The following C11orf16 variants were observed in gnomAD, a reference collection of about 807,000 sequenced individuals.
C11orf16 encodes chromosome 11 open reading frame 16.
A neutral mutation model predicts 45.1 loss-of-function variants in C11orf16; 38 were observed. The ratio of observed to expected loss-of-function variants is 0.84; its 90% CI spans 0.65 to 1.10. The LOEUF (loss-of-function observed/expected upper bound fraction) is 1.10. C11orf16 is among the 50% of genes least tolerant of loss of function. The probability of loss-of-function intolerance (pLI) is 0.00; values close to 1 mark genes in which losing one functional copy is unlikely to be tolerated. For missense variants in C11orf16, 583 were observed against 569.5 expected, an observed-to-expected ratio of 1.02 and a Z score of -0.24; for synonymous variants, 221 against 222.0, an observed-to-expected ratio of 1.00 and a Z score of 0.04.
intron 4 of C11orf16, 132 bp from the exon 5 acceptor site, chr11:8,926,239 C>CA: frequency 1.2e-6 from 1 of 861,404 alleles, no homozygotes; most frequent in Non-Finnish European, 1.7e-6. Context: ...AGTGCAGTGG[C>CA]ACAGTGATAG....
rs1216898977 is a variant in C11orf16, at chr11:8,925,592, GTC to G, written c.1073_1074del (p.Arg358ThrfsTer15). ...GTGTTGACTGCACTGTTCACCATCA[GTC>G]TCTGGGGAGGGCCCATCTCCAGATC... ...ENDLEMGPPQ[R>X]LMVNSAVNTD... On this transcript the variant is annotated frameshift_variant, in exon 5 of 7. Transcript: ENST00000326053. LOFTEE classifies it high-confidence loss of function. The G allele has an allele frequency of 5.6e-6, 9 of 1,614,274 alleles. 1 individual carries two copies. The Admixed American group carries it at 1.2e-4, about 21-fold the overall frequency.
intron 6 of C11orf16, 80 bp from the exon 7 acceptor site, chr11:8,920,530 C>T: frequency 3.3e-6 from 2 of 610,522 alleles, no homozygotes; most frequent in Non-Finnish European, 5.8e-6. Flanking sequence ...TTTAAAAAGT[C>T]ATTGATTGTG....
intron 3 of C11orf16, among the ~76,000 whole-genome samples, chr11:8,927,918 TG>T (rs1246888075): frequency 2.8e-4 from 43 of 152,206 alleles, no homozygotes; most frequent in Admixed American, 2.8e-3. Flanking sequence ...GACTTTTTTT[TG>T]TTTTTTCCAG....
chr11:8,924,529 AAACAAC>A (rs372748329), intron 5 of C11orf16, among the ~76,000 whole-genome samples: 13 of 151,368 alleles, frequency 8.6e-5, no homozygotes, highest in East Asian at 3.9e-4. Flanking sequence ...CTTTGTCTCA[AAACAAC>A]AACAACAACA....
At position 8,925,582 on chromosome 11, in the gene C11orf16, T is replaced by C; in HGVS notation, c.1085A>G (p.Asn362Ser). 1 of 1,614,244 alleles carries C rather than the reference T, an allele frequency of 6.2e-7. No individual in the cohort carries two copies. Residue 362 changes from asparagine (N) to serine (S), a missense_variant, in exon 5 of 7, where the codon AAC becomes AGC. Physicochemically the swap from Asn to Ser is conservative, Grantham distance 46. Coordinates refer to ENST00000326053, the MANE Select transcript of C11orf16 (RefSeq NM_020643.3). ...EMGPPQRLMV[N>S]SAVNTDPIFL... Reference sequence around the variant, plus strand: ...GATGGGATCTGTGTTGACTGCACTGTTCACCATCAGTCTCTGGGGAGGGCC... The same window carrying C: ...GATGGGATCTGTGTTGACTGCACTGCTCACCATCAGTCTCTGGGGAGGGCC...
chr11:8,923,402 T>C (rs936209519), intron 5 of C11orf16, among the ~76,000 whole-genome samples: 6 of 152,100 alleles, frequency 3.9e-5, no homozygotes, highest in African/African-American at 1.4e-4. Flanking sequence ...CTCTGTTGGG[T>C]AGGTACAGCT....
At chr11:8,930,857 C>T (rs1037168367) in intron 2 of C11orf16, among the ~76,000 whole-genome samples, 5 of 152,280 alleles carry the variant, frequency 3.3e-5, no homozygotes, top group African/African-American at 1.2e-4. Context: ...CCCCCCTCAG[C>T]CTCCTTCCTG....
chr11:8,920,550 G>A (rs745489453), intron 6 of C11orf16, 100 bp from the exon 7 acceptor site: 34 of 587,508 alleles, frequency 5.8e-5, no homozygotes, highest in Non-Finnish European at 8.1e-5. Context: ...GGCCGAGTGC[G>A]GTGGCTCATA....
rs369579663 is a variant in C11orf16 at position 8,932,218 on chromosome 11, G to A, written c.91C>T (p.Pro31Ser). 45 of 1,603,696 alleles carry A rather than the reference G, an allele frequency of 2.8e-5. No homozygotes were observed. In the African/African-American group the frequency reaches 3.7e-4, roughly 13 times the overall value. ...LKAPGWDGAA[P>S]PWDLSFTYPF... Reference sequence around the variant, plus strand: ...TAGGTGAAGGAGAGGTCCCAAGGTGGAGCAGCACCGTCCCAGCCAGGGGCC... The same window carrying A: ...TAGGTGAAGGAGAGGTCCCAAGGTGAAGCAGCACCGTCCCAGCCAGGGGCC... The change falls in exon 2 of 7, where the codon CCA becomes TCA. Residue 31 changes from proline to serine, a missense_variant. By Grantham distance (74) the Pro-to-Ser change is moderately conservative (BLOSUM62 -1). Transcript: ENST00000326053.
rs1027596345 is a variant in C11orf16, at chr11:8,920,107, A to ACAAAATGT, written c.*358_*365dup. The ACAAAATGT allele has an allele frequency of 8.4e-5, 24 of 286,480 alleles. No homozygotes were observed. The highest frequency in any genetic ancestry group is 5.7e-4 in the Admixed American group (11 of 19,380). 17.7% of individuals were successfully genotyped at this position (286,480 alleles called of 1,614,324 possible). A position where few individuals can be genotyped will look rare whatever the true frequency, so the allele number is the denominator to read the frequency against. ...GAATTCATTTTTATTAAGAGGTGAA[A>ACAAAATGT]CAAAATGTCACTCATGTACAACTAG... On this transcript the variant is annotated 3_prime_UTR_variant, in exon 7 of 7. Transcript: ENST00000326053.
In C11orf16 at chr11:8,925,561, G is replaced by A; in HGVS notation, c.1106C>T (p.Pro369Leu). The change falls in exon 5 of 7, where the codon CCC becomes CTC. Residue 369 changes from proline (P) to leucine (L), a missense_variant. Pro to Leu is a moderately conservative substitution (Grantham distance 98). Transcript: ENST00000326053. ...TCTCAGAGGCATCTCAAGAAAGATG[G>A]GATCTGTGTTGACTGCACTGTTCAC... ...LMVNSAVNTD[P>L]IFLEMPLRQS... is the part of the protein sequence containing the mutation. 6.2e-7 allele frequency: 1 copy of A among 1,614,222 alleles called. No individual in the cohort carries two copies. The highest frequency in any genetic ancestry group is 1.7e-5 in the Admixed American group (1 of 60,026).
chr11:8,930,889 C>G (rs1411143548), intron 2 of C11orf16, among the ~76,000 whole-genome samples: 2 of 152,142 alleles, frequency 1.3e-5, no homozygotes, highest in African/African-American at 2.4e-5. Context: ...ATCTAAAGTC[C>G]CATGCTTAAC....
At chr11:8,926,683 A>C (rs1415291237) in intron 4 of C11orf16, among the ~76,000 whole-genome samples, 9 of 152,256 alleles carry the variant, frequency 5.9e-5, no homozygotes, top group African/African-American at 1.7e-4. Flanking sequence ...ACCATGGTTT[A>C]GCTAACCAAC....
At chr11:8,928,068 C>G (rs1317585931) in intron 3 of C11orf16, among the ~76,000 whole-genome samples, 2 of 152,064 alleles carry the variant, frequency 1.3e-5, no homozygotes, top group Non-Finnish European at 2.9e-5. Flanking sequence ...CCACCTGGCT[C>G]AGCTAATTTT....
intron 2 of C11orf16, among the ~76,000 whole-genome samples, chr11:8,931,212 T>A (rs1490703611): frequency 2.0e-4 from 30 of 151,264 alleles, no homozygotes; most frequent in South Asian, 2.1e-4. Flanking sequence ...CAAGTCTCTT[T>A]TTTTTTTTTT....
At chr11:8,926,180 C>CTTTTA in intron 4 of C11orf16, 73 bp from the exon 5 acceptor site, 4 of 987,598 alleles carry the variant, frequency 4.1e-6, no homozygotes, top group South Asian at 2.3e-5. Context: ...TTCTTTTTTT[C>CTTTTA]TTTTCTTTTT....
chr11:8,932,267 G>A lies in C11orf16; in HGVS notation c.42C>T (p.Tyr14=), dbSNP rs1465774408. The part of the protein sequence containing the change: ...STGPRMPLLK[Y]CSVATSLKAP... ...CCTTCAGGCTTGTGGCCACGCTGCA[G>A]TATTTGAGCAAAGGCATCCTGGGCC... The change falls in exon 2 of 7, where the codon TAC becomes TAT. Residue 14 remains tyrosine (Y), a synonymous_variant. Coordinates refer to ENST00000326053, the MANE Select transcript of C11orf16 (RefSeq NM_020643.3). The A allele has an allele frequency of 1.9e-6, 3 of 1,611,700 alleles. No homozygotes were observed. Among genetic ancestry groups the A allele is most frequent in the South Asian group, 2.2e-5 (2 of 90,518 alleles).
At chr11:8,927,851 T>C in intron 3 of C11orf16, 1 of 288,088 alleles carries the variant, frequency 3.5e-6, no homozygotes, top group Non-Finnish European at 7.2e-6. Context: ...GAACCTATAT[T>C]TGAGCAAAGC....
intron 2 of C11orf16, among the ~76,000 whole-genome samples, chr11:8,930,340 C>T (rs565618814): frequency 2.7e-3 from 385 of 144,484 alleles, no homozygotes; most frequent in Non-Finnish European, 4.3e-3. Flanking sequence ...GCAGAAGAAT[C>T]GCTTGAACCC....
Sources: allele counts gnomAD v4.1 joint callset (sites outside exome capture counted in the v4.1 genomes callset), GRCh38; gene constraint gnomAD v4.1.1; transcripts MANE v1.5; gene names NCBI Gene and HGNC (gene_info 2026-07-23, HGNC 2026-07-21).